Variants in STK10 observed in about 807,000 individuals in gnomAD.
STK10 encodes the protein serine/threonine-protein kinase 10.
STK10 carries 78 observed loss-of-function variants against 113.8 expected under a neutral mutation model. That is an observed-to-expected ratio of 0.69 (90% CI 0.57 to 0.83). The LOEUF is 0.83. Ranked by LOEUF, STK10 falls within the 40% of genes least tolerant of loss-of-function variation. The pLI, the probability that STK10 is intolerant of heterozygous loss-of-function variation, is 0.00. For synonymous variants in STK10, 465 were observed against 494.7 expected (o/e 0.94, Z 0.80); for missense variants, 1,109 against 1,280.1 (o/e 0.87, Z 2.04).
At position 172,043,651 on chromosome 5, in the gene STK10, T is replaced by C. The variant is rs538806858; in HGVS notation, c.*1231A>G. The C allele has an allele frequency of 6.6e-6, 1 of 152,370 alleles. No homozygotes were observed. Among genetic ancestry groups the C allele is most frequent in the Non-Finnish European group, 1.5e-5 (1 of 68,040 alleles). 9.4% of individuals were successfully genotyped at this position (152,370 alleles called of 1,614,324 possible). On this transcript the variant is annotated 3_prime_UTR_variant, in exon 19 of 19. Coordinates refer to ENST00000176763, the MANE Select transcript of STK10 (RefSeq NM_005990.4). The stretch of plus-strand genomic sequence containing the variant: ...AAACATTTGCTTTTATTGCGTTATA[T>C]ACATTCTGCAGCTGTAGAATCAGAA...
At chr5:172,148,540 C>T (rs968546551) in intron 2 of STK10, among the ~76,000 whole-genome samples, 1 of 152,256 alleles carries the variant, frequency 6.6e-6, no homozygotes, top group Non-Finnish European at 1.5e-5. Context: ...CCACCTGCTG[C>T]TTCACAGCTC....
chr5:172,130,333 C>A (rs1466970046), intron 2 of STK10, among the ~76,000 whole-genome samples: 2 of 152,116 alleles, frequency 1.3e-5, no homozygotes, highest in Non-Finnish European at 2.9e-5. Context: ...GAGTTCGAGA[C>A]CAGCCTGGCC....
intron 2 of STK10, among the ~76,000 whole-genome samples, chr5:172,151,738 G>C (rs907225607): frequency 6.6e-6 from 1 of 152,234 alleles, no homozygotes; most frequent in Non-Finnish European, 1.5e-5. Flanking sequence ...GGCTCCATGA[G>C]GATGAGGACC....
chr5:172,078,208 C>G lies in STK10; in HGVS notation c.1989+4118G>C, dbSNP rs562126086. On this transcript the variant is annotated intron_variant, in intron 12 of 18. Transcript: ENST00000176763. The stretch of plus-strand genomic sequence containing the variant: ...GGCAAGACAGTGCCATCTGGGATAT[C>G]TGGGGTTGCCATGGAGCAAAGCCTC... Among the ~76,000 whole-genome samples, 3 of 152,294 alleles carry G rather than the reference C, an allele frequency of 2.0e-5. No homozygotes were observed. The East Asian group carries it at 5.8e-4, about 29-fold the overall frequency.
chr5:172,169,562 A>C (rs183665942), intron 1 of STK10, among the ~76,000 whole-genome samples: 59 of 152,190 alleles, frequency 3.9e-4, no homozygotes, highest in African/African-American at 1.3e-3. Context: ...TGGGAGAGTG[A>C]GTTGGCAGGG....
chr5:172,081,413 C>T (rs1204231157), intron 12 of STK10, among the ~76,000 whole-genome samples: 2 of 151,686 alleles, frequency 1.3e-5, no homozygotes, highest in Admixed American at 6.6e-5. Flanking sequence ...AAAAATGAAG[C>T]CACAAAGCCC....
Position 172,188,141 on chromosome 5 carries a change from G to A in STK10, c.-99C>T, listed in dbSNP as rs1228028037. The A allele has an allele frequency of 3.3e-6, 5 of 1,496,130 alleles. No homozygotes were observed. The highest frequency in any genetic ancestry group is 4.5e-6 in the Non-Finnish European group (5 of 1,120,352). 92.7% of individuals were successfully genotyped at this position (1,496,130 alleles called of 1,614,324 possible). The stretch of plus-strand genomic sequence containing the variant: ...AGGAGGAGGAGTTGGAGGACGCCGC[G>A]TCTCTCGGGGTTCTCCCCAGACCCG... On this transcript the variant is annotated 5_prime_UTR_variant, in exon 1 of 19. It adds an upstream start codon to the 5' untranslated region. Coordinates refer to ENST00000176763, the MANE Select transcript of STK10 (RefSeq NM_005990.4). The surrounding 1 kb of genome is among the most constrained non-coding windows in gnomAD (Gnocchi z 5.6).
intron 12 of STK10, among the ~76,000 whole-genome samples, chr5:172,074,736 C>T (rs1205295756): frequency 4.6e-5 from 7 of 152,074 alleles, no homozygotes; most frequent in Non-Finnish European, 8.8e-5. Context: ...AAAAAATTAG[C>T]AGCCGGGTGC....
At chr5:172,107,046 T>G in intron 5 of STK10, 5 of 229,870 alleles carry the variant, frequency 2.2e-5, no homozygotes, top group Non-Finnish European at 4.4e-5. Flanking sequence ...TACCGCGAGA[T>G]GGCAGCAGCA....
chr5:172,061,965 T>C (rs760287104), intron 13 of STK10, among the ~76,000 whole-genome samples: 1 of 151,810 alleles, frequency 6.6e-6, no homozygotes, highest in Non-Finnish European at 1.5e-5. Context: ...CCTATTCCCA[T>C]GTTACTTTTC....
At chr5:172,071,992 G>T (rs1199932537) in intron 12 of STK10, among the ~76,000 whole-genome samples, 1 of 152,002 alleles carries the variant, frequency 6.6e-6, no homozygotes, top group Admixed American at 6.6e-5. Flanking sequence ...CATGAACACA[G>T]ACCCCAAAAT....
At chr5:172,132,101 G>A (rs1769768767) in intron 2 of STK10, among the ~76,000 whole-genome samples, 2 of 152,186 alleles carry the variant, frequency 1.3e-5, no homozygotes, top group Admixed American at 6.5e-5. Context: ...AAATTACCCA[G>A]TGTCAGGTAT....
At chr5:172,138,330 G>A (rs1304670662) in intron 2 of STK10, among the ~76,000 whole-genome samples, 1 of 152,056 alleles carries the variant, frequency 6.6e-6, no homozygotes, top group Non-Finnish European at 1.5e-5. Context: ...CACCATATTG[G>A]CCAGGCTGGT....
At chr5:172,074,320 CTG>C (rs1768263548) in intron 12 of STK10, among the ~76,000 whole-genome samples, 1 of 152,268 alleles carries the variant, frequency 6.6e-6, no homozygotes, top group South Asian at 2.1e-4. Context: ...CGTCAAGACA[CTG>C]TAGTATTGGT....
At chr5:172,131,811 G>GCA (rs1739957568) in intron 2 of STK10, among the ~76,000 whole-genome samples, 1 of 152,176 alleles carries the variant, frequency 6.6e-6, no homozygotes, top group East Asian at 1.9e-4. Context: ...CTCCCAAAAG[G>GCA]CATGTGTTGG....
intron 14 of STK10, among the ~76,000 whole-genome samples, chr5:172,059,223 C>T (rs1767876684): frequency 6.6e-6 from 1 of 152,026 alleles, no homozygotes; most frequent in African/African-American, 2.4e-5. Flanking sequence ...GAGTTCAAGA[C>T]CGGCCTGGCC....
chr5:172,169,413 AG>A (rs1275972990), intron 1 of STK10, among the ~76,000 whole-genome samples: 2 of 149,916 alleles, frequency 1.3e-5, no homozygotes, highest in Admixed American at 1.3e-4. Flanking sequence ...AACGGATGGG[AG>A]GTAGGGGCTG....
chr5:172,182,555 T>TC (rs1453537740), intron 1 of STK10, among the ~76,000 whole-genome samples: 2 of 148,982 alleles, frequency 1.3e-5, no homozygotes, highest in African/African-American at 5.0e-5. Context: ...AGCTCATTTT[T>TC]TTTTTTTTTT....
intron 3 of STK10, among the ~76,000 whole-genome samples, chr5:172,119,380 G>T (rs549603088): frequency 6.6e-6 from 1 of 152,196 alleles, no homozygotes; most frequent in Non-Finnish European, 1.5e-5. Flanking sequence ...TCCACGAGAA[G>T]TTCTGAGTGG....
Sources: allele counts gnomAD v4.1 joint callset (sites outside exome capture counted in the v4.1 genomes callset), GRCh38; gene constraint gnomAD v4.1.1; non-coding constraint Gnocchi (gnomAD v3.1); transcripts MANE v1.5; gene names NCBI Gene and HGNC (gene_info 2026-07-23, HGNC 2026-07-21).